Variants in ELP4 observed in about 807,000 individuals in gnomAD.
The protein encoded by ELP4 is elongator acetyltransferase complex subunit 4, also known as elongator complex protein 4.
A neutral mutation model predicts 48.9 loss-of-function variants in ELP4; 51 were observed. That is an observed-to-expected ratio of 1.04 (90% CI 0.83 to 1.32). The LOEUF (loss-of-function observed/expected upper bound fraction) is 1.32. Ranked by LOEUF, ELP4 falls within the 40% of genes most tolerant of loss-of-function variation. The pLI, the probability that ELP4 is intolerant of heterozygous loss-of-function variation, is 0.00. For missense variants in ELP4, 519 were observed against 514.6 expected, an observed-to-expected ratio of 1.01 and a Z score of -0.08; for synonymous variants, 210 against 189.2, an observed-to-expected ratio of 1.11 and a Z score of -0.90.
intron 3 of ELP4, among the ~76,000 whole-genome samples, chr11:31,577,454 A>T (rs1957305862): frequency 6.6e-6 from 1 of 152,090 alleles, no homozygotes; most frequent in Admixed American, 6.6e-5. Context: ...CATCATCCTG[A>T]TACCAAAGCC....
intron 4 of ELP4, among the ~76,000 whole-genome samples, chr11:31,602,962 G>A (rs1177645055): frequency 6.6e-6 from 1 of 151,876 alleles, no homozygotes. Context: ...TTAGCTCAAA[G>A]TCCATTCAAA....
chr11:31,686,383 C>T (rs1419472269), intron 9 of ELP4, among the ~76,000 whole-genome samples: 4 of 140,456 alleles, frequency 2.8e-5, no homozygotes, highest in African/African-American at 1.1e-4. Flanking sequence ...ATCTTAAGTA[C>T]AAACATATTC....
At chr11:31,571,138 C>T (rs1957187570) in intron 3 of ELP4, among the ~76,000 whole-genome samples, 1 of 152,098 alleles carries the variant, frequency 6.6e-6, no homozygotes, top group Non-Finnish European at 1.5e-5. Context: ...CATGTACCCT[C>T]AGAATCTAAA....
rs550167147 is a variant in ELP4 at position 31,584,830 on chromosome 11, G to A, written c.382-9940G>A. 9.2e-5 allele frequency among the ~76,000 whole-genome samples: 14 copies of A among 152,122 alleles called. 1 individual carries two copies. Among genetic ancestry groups the A allele is most frequent in the Non-Finnish European group, 1.8e-4 (12 of 67,964 alleles). The stretch of plus-strand genomic sequence containing the variant: ...ATGAGCCACCACGCCCGGCCAATTC[G>A]TAGATTTTATTCAGAGGTAGAATGA... On this transcript the variant is annotated intron_variant, in intron 3 of 9. Transcript: ENST00000640961.
chr11:31,546,215 T>G (rs1193620344), intron 3 of ELP4, among the ~76,000 whole-genome samples: 2 of 151,974 alleles, frequency 1.3e-5, no homozygotes, highest in Non-Finnish European at 2.9e-5. Flanking sequence ...TCAAGACCCA[T>G]CAGTGTGCTG....
intron 9 of ELP4, among the ~76,000 whole-genome samples, chr11:31,704,722 A>T (rs950561245): frequency 1.3e-5 from 2 of 152,150 alleles, no homozygotes; most frequent in African/African-American, 2.4e-5. Flanking sequence ...TGACTTAAAG[A>T]TTATATAGAT....
intron 7 of ELP4, 198 bp from the exon 8 acceptor site, chr11:31,647,543 C>T (rs1195858794): frequency 2.2e-6 from 1 of 457,322 alleles, no homozygotes; most frequent in Admixed American, 3.6e-5. Flanking sequence ...AATAGCATGA[C>T]TACATGGGCC....
chr11:31,522,482 T>C (rs991177886), intron 2 of ELP4, among the ~76,000 whole-genome samples: 1 of 152,196 alleles, frequency 6.6e-6, no homozygotes, highest in Admixed American at 6.5e-5. Context: ...TACTACTTCA[T>C]TTTTGTTAAC....
intron 5 of ELP4, among the ~76,000 whole-genome samples, chr11:31,613,415 A>G (rs1385898105): frequency 2.0e-5 from 3 of 152,166 alleles, no homozygotes; most frequent in Non-Finnish European, 2.9e-5. Context: ...TTAGTATTTG[A>G]AAGGCTGTGA....
At chr11:31,616,144 A>G (rs1464203345) in intron 5 of ELP4, among the ~76,000 whole-genome samples, 2 of 152,064 alleles carry the variant, frequency 1.3e-5, no homozygotes, top group Admixed American at 6.6e-5. Flanking sequence ...AAAAGACCAA[A>G]GTTGGAAGTT....
At chr11:31,738,533 C>T (rs1173014667) in intron 9 of ELP4, among the ~76,000 whole-genome samples, 1 of 152,044 alleles carries the variant, frequency 6.6e-6, no homozygotes, top group East Asian at 1.9e-4. Context: ...GCTACGAGTT[C>T]GAAACAAGCC....
At chr11:31,665,367 GTAT>G (rs1945649495) in intron 9 of ELP4, among the ~76,000 whole-genome samples, 2 of 151,886 alleles carry the variant, frequency 1.3e-5, no homozygotes, top group African/African-American at 4.8e-5. Flanking sequence ...TCTCTCTCTA[GTAT>G]TTTTAATTTT....
At chr11:31,745,725 T>C (rs1383744292) in intron 9 of ELP4, among the ~76,000 whole-genome samples, 2 of 152,188 alleles carry the variant, frequency 1.3e-5, no homozygotes, top group African/African-American at 4.8e-5. Flanking sequence ...CCTTACACCT[T>C]ATACAAAAAT....
chr11:31,539,721 A>G lies in ELP4; in HGVS notation c.319A>G (p.Ile107Val). ...CTTCAAGTATTTCCTGGCAGAAGGA[A>G]TTGTCAATGGGCATACTTTGTTGGT... ...LLFKYFLAEG[I>V]VNGHTLLVAS... Residue 107 changes from isoleucine to valine, a missense_variant, in exon 3 of 10, where the codon ATT becomes GTT. Ile to Val is a conservative substitution (Grantham distance 29). Transcript: ENST00000640961. The G allele has an allele frequency of 3.7e-6, 6 of 1,612,002 alleles. No homozygotes were observed. In the South Asian group the frequency reaches 6.6e-5, roughly 18 times the overall value.
At chr11:31,587,770 A>G (rs866381575) in intron 3 of ELP4, among the ~76,000 whole-genome samples, 36 of 152,118 alleles carry the variant, frequency 2.4e-4, no homozygotes, top group African/African-American at 8.7e-4. Flanking sequence ...GATTGTCCGC[A>G]GGGGGTTTTG....
intron 2 of ELP4, among the ~76,000 whole-genome samples, chr11:31,534,063 C>A (rs1189299092): frequency 1.3e-5 from 2 of 151,982 alleles, no homozygotes; most frequent in Non-Finnish European, 2.9e-5. Context: ...GTCTCGATCT[C>A]CTGACCTCGT....
At chr11:31,524,390 A>T (rs956118168) in intron 2 of ELP4, among the ~76,000 whole-genome samples, 1 of 152,234 alleles carries the variant, frequency 6.6e-6, no homozygotes, top group Admixed American at 6.5e-5. Flanking sequence ...TGCCCTCTCC[A>T]TAGGGCATCT....
At chr11:31,651,014 T>TCTTA (rs1303374085) in intron 9 of ELP4, 2 of 151,644 alleles carry the variant, frequency 1.3e-5, no homozygotes, top group African/African-American at 4.8e-5. Context: ...AGGCCACTTG[T>TCTTA]CTTAACTGCT....
At chr11:31,528,123 A>G (rs1956328190) in intron 2 of ELP4, among the ~76,000 whole-genome samples, 1 of 152,034 alleles carries the variant, frequency 6.6e-6, no homozygotes, top group African/African-American at 2.4e-5. Flanking sequence ...ATACTTCTGT[A>G]GTAGTCTTTA....
Sources: gnomAD v4.1 joint callset for allele counts (sites outside exome capture counted in the v4.1 genomes callset) on GRCh38, gnomAD v4.1.1 for gene constraint, MANE v1.5 for transcripts, NCBI Gene and HGNC (gene_info 2026-07-23, HGNC 2026-07-21) for gene names.